The following MYO5B variants were observed in gnomAD, a reference collection of about 807,000 sequenced individuals.
MYO5B encodes the protein unconventional myosin-Vb.
MYO5B carries 143 observed loss-of-function variants against 229.3 expected under a neutral mutation model. That is an observed-to-expected ratio of 0.62 (90% confidence interval 0.54 to 0.72). The LOEUF is 0.72. Among genes scored for constraint, MYO5B ranks in the 30% least tolerant of loss-of-function variants. MYO5B has a pLI of 0.00. For missense variants in MYO5B, 2,321 were observed against 2,331.0 expected, an observed-to-expected ratio of 1.00 and a Z score of 0.09; for synonymous variants, 918 against 885.2, an observed-to-expected ratio of 1.04 and a Z score of -0.66.
chr18:49,889,157 G>A (rs1357814237), intron 22 of MYO5B, among the ~76,000 whole-genome samples: 1 of 152,200 alleles, frequency 6.6e-6, no homozygotes, highest in Non-Finnish European at 1.5e-5. Context: ...AAATAAATGT[G>A]TTTATAGTTG....
intron 4 of MYO5B, among the ~76,000 whole-genome samples, chr18:50,014,410 T>C (rs991768394): frequency 1.3e-5 from 2 of 152,178 alleles, no homozygotes; most frequent in African/African-American, 4.8e-5. Context: ...GGCAAGTTAT[T>C]TCATTTCTGT....
At chr18:50,010,751 T>C (rs2026153027) in intron 4 of MYO5B, among the ~76,000 whole-genome samples, 1 of 152,250 alleles carries the variant, frequency 6.6e-6, no homozygotes, top group Admixed American at 6.5e-5. Flanking sequence ...GATATACACA[T>C]ATAGAATGTG....
intron 4 of MYO5B, among the ~76,000 whole-genome samples, chr18:50,014,049 A>G (rs2026190562): frequency 1.3e-5 from 2 of 152,196 alleles, no homozygotes; most frequent in African/African-American, 4.8e-5. Context: ...ATTGTGGTCA[A>G]TTTCTCTAGC....
chr18:50,076,054 G>A (rs1394649803), intron 1 of MYO5B, among the ~76,000 whole-genome samples: 1 of 152,232 alleles, frequency 6.6e-6, no homozygotes, highest in Non-Finnish European at 1.5e-5. Context: ...TCTCCTGGAT[G>A]ATCTCATTAT....
At chr18:49,830,145 C>CCACACACACA (rs57718809) in intron 39 of MYO5B, among the ~76,000 whole-genome samples, 2,777 of 149,962 alleles carry the variant, frequency 0.019, 32 homozygotes, top group Middle Eastern at 0.024. Flanking sequence ...CTGAAAGAAT[C>CCACACACACA]CACACACACA....
At chr18:49,957,363 C>T (rs533966091) in intron 12 of MYO5B, among the ~76,000 whole-genome samples, 2 of 151,768 alleles carry the variant, frequency 1.3e-5, no homozygotes, top group Non-Finnish European at 2.9e-5. Flanking sequence ...CAAGGCCAAC[C>T]AGGCGCAATG....
At chr18:50,123,507 G>T (rs1216983037) in intron 1 of MYO5B, among the ~76,000 whole-genome samples, 1 of 152,080 alleles carries the variant, frequency 6.6e-6, no homozygotes, top group Non-Finnish European at 1.5e-5. Flanking sequence ...TGGGAAGATT[G>T]CTTGAAATCA....
At chr18:49,988,861 C>A (rs2025899189) in intron 7 of MYO5B, among the ~76,000 whole-genome samples, 1 of 152,204 alleles carries the variant, frequency 6.6e-6, no homozygotes, top group Non-Finnish European at 1.5e-5. Context: ...AGGGAACACA[C>A]ACTCCTTGTC....
intron 21 of MYO5B, among the ~76,000 whole-genome samples, chr18:49,901,184 C>A (rs573745134): frequency 6.6e-6 from 1 of 152,174 alleles, no homozygotes; most frequent in Admixed American, 6.5e-5. Flanking sequence ...ATACAGCATG[C>A]GACATACGTC....
At chr18:50,034,227 C>T (rs2026423524) in intron 4 of MYO5B, among the ~76,000 whole-genome samples, 1 of 152,170 alleles carries the variant, frequency 6.6e-6, no homozygotes, top group African/African-American at 2.4e-5. Flanking sequence ...ACTGATGAGT[C>T]AGAAAAAGCA....
Position 49,940,833 on chromosome 18 carries a change from A to AG in MYO5B, c.1753-3437_1753-3436insC, listed in dbSNP as rs1271237857. Among the ~76,000 whole-genome samples the AG allele has an allele frequency of 1.5e-4, 23 of 152,348 alleles. No individual in the cohort carries two copies. In the Middle Eastern group the frequency reaches 0.014, roughly 90 times the overall value. On this transcript the variant is annotated intron_variant, in intron 14 of 39. Transcript: ENST00000285039. ...TGAGTGTGCCCACCTGCACATACGT[A>AG]CAAGGTTACAATGCCTAATGTTTAA...
At chr18:50,055,230 A>ACCCCCCCCCCCCCCCCCCCCCCCCC in intron 2 of MYO5B, 38 bp downstream of exon 2, 1 of 258,418 alleles carries the variant, frequency 3.9e-6, no homozygotes, top group Non-Finnish European at 7.6e-6. Context: ...TCCCTGCCCC[A>ACCCCCCCCCCCCCCCCCCCCCCCCC]CCTCACCCCC....
chr18:50,102,243 C>G (rs2031669461), intron 1 of MYO5B, among the ~76,000 whole-genome samples: 1 of 152,048 alleles, frequency 6.6e-6, no homozygotes, highest in South Asian at 2.1e-4. Context: ...ACACTGAGAA[C>G]TGTTGTGGGG....
intron 14 of MYO5B, among the ~76,000 whole-genome samples, chr18:49,950,418 T>C (rs1321455275): frequency 6.6e-6 from 1 of 152,230 alleles, no homozygotes; most frequent in Non-Finnish European, 1.5e-5. Context: ...TGAACCATCA[T>C]CAATCTGCTT....
At position 49,974,537 on chromosome 18, in the gene MYO5B, G is replaced by GA; in HGVS notation, c.1134dup (p.Arg379SerfsTer65). The GA allele has an allele frequency of 6.2e-7, 1 of 1,614,174 alleles. No individual in the cohort carries two copies. Among genetic ancestry groups the GA allele is most frequent in the Non-Finnish European group, 8.5e-7 (1 of 1,180,018 alleles). ...GTCTCCGAGGTGGTGACCAGCTTGC[G>GA]ATGACACAGCCAGTGCTCCATCTGA... On this transcript the variant is annotated frameshift_variant, in exon 10 of 40. Coordinates refer to ENST00000285039, the MANE Select transcript of MYO5B (RefSeq NM_001080467.3). LOFTEE classifies it high-confidence loss of function.
intron 9 of MYO5B, among the ~76,000 whole-genome samples, chr18:49,976,939 T>A (rs562697147): frequency 2.6e-5 from 4 of 152,136 alleles, no homozygotes; most frequent in Non-Finnish European, 4.4e-5. Flanking sequence ...TCCAAGAAAT[T>A]CTTAATTGCT....
At chr18:50,044,885 A>G (rs2030176816) in intron 2 of MYO5B, among the ~76,000 whole-genome samples, 1 of 150,890 alleles carries the variant, frequency 6.6e-6, no homozygotes, top group African/African-American at 2.4e-5. Context: ...AAGGGGAAAG[A>G]GCAAGTAGGA....
intron 17 of MYO5B, 124 bp from the exon 18 acceptor site, chr18:49,912,297 G>T (rs905574468): frequency 2.6e-6 from 2 of 777,270 alleles, no homozygotes; most frequent in Non-Finnish European, 2.3e-6. Context: ...TCTCAGAGCA[G>T]CAAAGAACAG....
intron 1 of MYO5B, among the ~76,000 whole-genome samples, chr18:50,096,040 G>A (rs1434338059): frequency 6.6e-6 from 1 of 152,108 alleles, no homozygotes. Flanking sequence ...ACCAAGCTCA[G>A]AACTTCGAAG....
Sources: gnomAD v4.1 joint callset for allele counts (sites outside exome capture counted in the v4.1 genomes callset) on GRCh38, gnomAD v4.1.1 for gene constraint, MANE v1.5 for transcripts, NCBI Gene and HGNC (gene_info 2026-07-23, HGNC 2026-07-21) for gene names.